The following ITGBL1 variants were observed in gnomAD, a reference collection of about 807,000 sequenced individuals.
The protein encoded by ITGBL1 is integrin beta-like protein 1.
In ITGBL1, 51 loss-of-function variants were observed where a neutral mutation model predicts 68.5. The ratio of observed to expected loss-of-function variants is 0.74; its 90% CI spans 0.59 to 0.94. The LOEUF is 0.94. Among genes scored for constraint, ITGBL1 ranks in the 40% least tolerant of loss-of-function variants. The pLI is 0.00. For missense variants in ITGBL1, 649 were observed against 647.4 expected, an observed-to-expected ratio of 1.00 and a Z score of -0.03; for synonymous variants, 209 against 227.3, an observed-to-expected ratio of 0.92 and a Z score of 0.72.
At chr13:101,597,068 T>C (rs2030015795) in intron 6 of ITGBL1, among the ~76,000 whole-genome samples, 1 of 152,102 alleles carries the variant, frequency 6.6e-6, no homozygotes, top group Non-Finnish European at 1.5e-5. Context: ...ACTATTCACT[T>C]TGGGTAATAG....
At chr13:101,705,877 T>G (rs1024606601) in intron 8 of ITGBL1, among the ~76,000 whole-genome samples, 2 of 112,778 alleles carry the variant, frequency 1.8e-5, no homozygotes, top group Non-Finnish European at 3.9e-5. Context: ...CCCTAGTGCA[T>G]AGCAAAATGC....
At chr13:101,651,076 T>C (rs2032735667) in intron 7 of ITGBL1, among the ~76,000 whole-genome samples, 1 of 152,238 alleles carries the variant, frequency 6.6e-6, no homozygotes, top group Non-Finnish European at 1.5e-5. Flanking sequence ...ATTGCACGTC[T>C]TTGCTATTGT....
intron 2 of ITGBL1, among the ~76,000 whole-genome samples, chr13:101,508,260 A>G (rs1173148024): frequency 6.6e-6 from 1 of 152,166 alleles, no homozygotes; most frequent in African/African-American, 2.4e-5. Context: ...CCAGGGCTTT[A>G]TGTATTTTAT....
chr13:101,590,998 G>T (rs1422500940), intron 6 of ITGBL1, among the ~76,000 whole-genome samples: 1 of 152,024 alleles, frequency 6.6e-6, no homozygotes, highest in African/African-American at 2.4e-5. Context: ...CCGCCTCCTG[G>T]GTTCAAGCAA....
intron 6 of ITGBL1, among the ~76,000 whole-genome samples, chr13:101,590,624 A>C (rs1030941283): frequency 6.6e-6 from 1 of 152,118 alleles, no homozygotes; most frequent in Non-Finnish European, 1.5e-5. Context: ...TCAACAAGCA[A>C]TGTTATTGTT....
chr13:101,524,389 CT>C (rs67860075), intron 2 of ITGBL1, among the ~76,000 whole-genome samples: 1,632 of 147,212 alleles, frequency 0.011, 30 homozygotes, highest in African/African-American at 0.029. Context: ...TATTCTTATT[CT>C]TTTTTTTTTT....
intron 2 of ITGBL1, chr13:101,489,854 T>G (rs534575626): frequency 1.5e-6 from 1 of 686,690 alleles, no homozygotes; most frequent in South Asian, 1.8e-5. Context: ...TTTGTCTGAC[T>G]CATTGGTGAA....
At chr13:101,559,954 T>C (rs2050072430) in intron 2 of ITGBL1, among the ~76,000 whole-genome samples, 1 of 152,190 alleles carries the variant, frequency 6.6e-6, no homozygotes, top group African/African-American at 2.4e-5. Flanking sequence ...TTCGAGGCAG[T>C]GGAACCCTCT....
intron 3 of ITGBL1, among the ~76,000 whole-genome samples, chr13:101,573,436 T>A (rs2050304989): frequency 6.6e-6 from 1 of 152,280 alleles, no homozygotes; most frequent in Middle Eastern, 3.4e-3. Flanking sequence ...AACAGAATCA[T>A]GCAGAGGATA....
chr13:101,539,497 T>C (rs997539871), intron 2 of ITGBL1, among the ~76,000 whole-genome samples: 2 of 152,136 alleles, frequency 1.3e-5, no homozygotes, highest in Admixed American at 6.5e-5. Flanking sequence ...TTGTCAGTAG[T>C]GCCGCAGAAA....
intron 7 of ITGBL1, among the ~76,000 whole-genome samples, chr13:101,604,900 ACATATATATGTG>A (rs753339311): frequency 9.1e-5 from 11 of 121,040 alleles, no homozygotes; most frequent in Non-Finnish European, 1.6e-4. Flanking sequence ...ACACACACAC[ACATATATATGTG>A]CATATATGTG....
At chr13:101,480,087 A>G (rs1403945556) in intron 2 of ITGBL1, among the ~76,000 whole-genome samples, 1 of 152,116 alleles carries the variant, frequency 6.6e-6, no homozygotes, top group Non-Finnish European at 1.5e-5. Context: ...AAACAGATGA[A>G]CAGTTAAAGA....
intron 7 of ITGBL1, among the ~76,000 whole-genome samples, chr13:101,666,474 T>G (rs980888398): frequency 1.3e-5 from 2 of 151,552 alleles, no homozygotes; most frequent in African/African-American, 4.8e-5. Context: ...AGAGAGTTCT[T>G]GGATTTCTGC....
At chr13:101,496,207 T>G (rs1020117879) in intron 2 of ITGBL1, among the ~76,000 whole-genome samples, 1 of 152,112 alleles carries the variant, frequency 6.6e-6, no homozygotes, top group African/African-American at 2.4e-5. Context: ...CACACTCCAA[T>G]CCAATGTAAT....
chr13:101,710,275 C>T (rs1399995073), intron 9 of ITGBL1, among the ~76,000 whole-genome samples: 1 of 152,210 alleles, frequency 6.6e-6, no homozygotes, highest in Non-Finnish European at 1.5e-5. Flanking sequence ...GGCCTCCGGA[C>T]TGTTGGCAGC....
chr13:101,554,041 T>C (rs1594886866), intron 2 of ITGBL1, among the ~76,000 whole-genome samples: 2 of 152,284 alleles, frequency 1.3e-5, no homozygotes, highest in East Asian at 1.9e-4. Context: ...CCCAAAGTTC[T>C]GGGATTACAG....
chr13:101,642,951 G>C (rs1215485725), intron 7 of ITGBL1, among the ~76,000 whole-genome samples: 1 of 149,184 alleles, frequency 6.7e-6, no homozygotes, highest in African/African-American at 2.5e-5. Context: ...GTACCATGCT[G>C]TTTTGGTTAC....
At chr13:101,550,745 G>A (rs1374873583) in intron 2 of ITGBL1, among the ~76,000 whole-genome samples, 1 of 152,146 alleles carries the variant, frequency 6.6e-6, no homozygotes, top group Non-Finnish European at 1.5e-5. Context: ...GTGTGCTTGT[G>A]GAAGATTAAA....
At chr13:101,589,462 G>A (rs2050614056) in intron 6 of ITGBL1, among the ~76,000 whole-genome samples, 1 of 152,164 alleles carries the variant, frequency 6.6e-6, no homozygotes, top group South Asian at 2.1e-4. Context: ...GCTTATGTAT[G>A]TCACTCATAT....
Sources: gnomAD v4.1 joint callset for allele counts (sites outside exome capture counted in the v4.1 genomes callset) on GRCh38, gnomAD v4.1.1 for gene constraint, MANE v1.5 for transcripts, NCBI Gene and HGNC (gene_info 2026-07-23, HGNC 2026-07-21) for gene names.